Variants in SUMF1 observed in about 807,000 individuals in gnomAD.
SUMF1 encodes the protein sulfatase modifying factor 1, also known as formylglycine-generating enzyme.
In SUMF1, 48 loss-of-function variants were observed where a neutral mutation model predicts 47.6. The observed-to-expected ratio is 1.01, with a 90% CI of 0.80 to 1.28. The LOEUF is 1.28. SUMF1 is among the 50% of genes most tolerant of loss of function. The pLI is 0.00. For synonymous variants in SUMF1, 230 were observed against 192.1 expected (o/e 1.20, Z -1.63); for missense variants, 571 against 485.4 (o/e 1.18, Z -1.66).
chr3:4,434,988 C>T (rs138962612), intron 3 of SUMF1, among the ~76,000 whole-genome samples: 2,544 of 152,234 alleles, frequency 0.017, 66 homozygotes, highest in African/African-American at 0.059. Flanking sequence ...AGTGCAGTGG[C>T]GTGATCTCAG....
intron 8 of SUMF1, among the ~76,000 whole-genome samples, chr3:4,236,594 TA>T (rs1696415065): frequency 6.6e-6 from 1 of 151,772 alleles, no homozygotes; most frequent in African/African-American, 2.4e-5. Context: ...CATCTCTAAA[TA>T]AATAAATAAA....
intron 8 of SUMF1, among the ~76,000 whole-genome samples, chr3:4,250,979 A>T (rs1267566777): frequency 1.3e-5 from 2 of 152,182 alleles, no homozygotes; most frequent in Non-Finnish European, 2.9e-5. Flanking sequence ...TCAAGGAGTA[A>T]TCTTGACTTT....
In SUMF1 at chr3:4,387,103, G is replaced by C. The variant is rs1234185882; in HGVS notation, c.955-10714C>G. On this transcript the variant is annotated intron_variant, in intron 7 of 8. Transcript: ENST00000272902. ...TGGTTTGGGGATCAAGGCAATACTA[G>C]CTTCGTAAAATGATTAGAAAGTGTT... 2.0e-5 allele frequency among the ~76,000 whole-genome samples: 3 copies of C among 151,962 alleles called. No homozygotes were observed. In the East Asian group the frequency reaches 5.8e-4, roughly 29 times the overall value.
downstream of SUMF1, among the ~76,000 whole-genome samples, chr3:4,360,770 T>C (rs560125291): frequency 2.0e-5 from 3 of 152,342 alleles, no homozygotes; most frequent in Admixed American, 6.5e-5. Flanking sequence ...AGAAATGGCT[T>C]AGGGGTTCTC....
intron 8 of SUMF1, among the ~76,000 whole-genome samples, chr3:4,249,080 T>A (rs1396659569): frequency 6.6e-6 from 1 of 152,066 alleles, no homozygotes; most frequent in Non-Finnish European, 1.5e-5. Flanking sequence ...GCACATGGGG[T>A]CACCTGCTCC....
intron 8 of SUMF1, among the ~76,000 whole-genome samples, chr3:4,110,075 G>T (rs1040467312): frequency 6.6e-6 from 1 of 152,088 alleles, no homozygotes; most frequent in Non-Finnish European, 1.5e-5. Context: ...TTTGGTCTTT[G>T]ATGATGGTGA....
intron 8 of SUMF1, among the ~76,000 whole-genome samples, chr3:4,232,899 T>C (rs1052132442): frequency 3.9e-5 from 6 of 152,168 alleles, no homozygotes; most frequent in African/African-American, 1.4e-4. Context: ...CACAGAGTCA[T>C]TGGGTTACAG....
chr3:4,075,309 T>A (rs1395518782), intron 8 of SUMF1, among the ~76,000 whole-genome samples: 2 of 152,056 alleles, frequency 1.3e-5, no homozygotes, highest in African/African-American at 4.8e-5. Context: ...TGCTAAAAAC[T>A]CTCAATAAAC....
chr3:4,200,209 G>A (rs1466086980), intron 8 of SUMF1, among the ~76,000 whole-genome samples: 1 of 143,100 alleles, frequency 7.0e-6, no homozygotes, highest in Middle Eastern at 3.7e-3. Context: ...TGGCTACTGT[G>A]ATGGTTACTT....
intron 8 of SUMF1, among the ~76,000 whole-genome samples, chr3:4,078,966 T>C (rs1692499679): frequency 6.6e-6 from 1 of 152,110 alleles, no homozygotes; most frequent in African/African-American, 2.4e-5. Context: ...CATCACAGAC[T>C]TGGCAATGTT....
At chr3:4,123,614 C>T (rs903038485) in intron 8 of SUMF1, among the ~76,000 whole-genome samples, 9 of 152,130 alleles carry the variant, frequency 5.9e-5, no homozygotes, top group African/African-American at 1.9e-4. Context: ...TTTCAAACTT[C>T]CTTGAAAAGC....
intron 8 of SUMF1, among the ~76,000 whole-genome samples, chr3:4,232,675 A>G (rs1321757832): frequency 6.6e-6 from 1 of 152,174 alleles, no homozygotes. Context: ...ATCATTTAAT[A>G]AATTATTCAA....
At chr3:4,423,818 CTG>C (rs1357826997) in intron 3 of SUMF1, among the ~76,000 whole-genome samples, 1 of 152,122 alleles carries the variant, frequency 6.6e-6, no homozygotes, top group African/African-American at 2.4e-5. Flanking sequence ...TGAGCTCTCA[CTG>C]TGTCACAGGA....
intron 9 of SUMF1, among the ~76,000 whole-genome samples, chr3:4,063,050 T>G (rs1695300568): frequency 6.6e-6 from 1 of 152,160 alleles, no homozygotes; most frequent in Admixed American, 6.6e-5. Context: ...TTTTCAATGC[T>G]TTATTTAAAA....
At position 4,316,383 on chromosome 3, in the gene SUMF1, G is replaced by A. The variant is rs377215964; in HGVS notation, c.1014+59947C>T. On this transcript the variant is annotated intron_variant and NMD_transcript_variant, in intron 8 of 12. Transcript: ENST00000448413. ...GTTCAAGAAGTTTTGCAAAGGAGAT[G>A]AGAGCCTTGAAGATGAGGAGCGTAG... is the stretch of plus-strand genomic sequence containing the variant. 10 of 1,557,862 alleles carry A rather than the reference G, an allele frequency of 6.4e-6. No homozygotes were observed. The African/African-American group carries it at 1.2e-4, about 19-fold the overall frequency.
At chr3:4,086,118 T>TAAAC (rs987032526) in intron 8 of SUMF1, among the ~76,000 whole-genome samples, 2 of 151,060 alleles carry the variant, frequency 1.3e-5, no homozygotes, top group African/African-American at 4.9e-5. Flanking sequence ...CAAGGGCCAT[T>TAAAC]AAACAACCTG....
At chr3:4,042,920 C>A (rs1694936837) in intron 9 of SUMF1, among the ~76,000 whole-genome samples, 1 of 152,164 alleles carries the variant, frequency 6.6e-6, no homozygotes, top group Non-Finnish European at 1.5e-5. Context: ...CCTAGACCCT[C>A]CACCAGTGCT....
At chr3:4,338,467 C>G (rs866264355) in intron 8 of SUMF1, among the ~76,000 whole-genome samples, 1 of 152,132 alleles carries the variant, frequency 6.6e-6, no homozygotes, top group African/African-American at 2.4e-5. Context: ...GTTGAACCAC[C>G]TTGACACCAA....
chr3:4,412,206 A>G (rs924256039), intron 6 of SUMF1, among the ~76,000 whole-genome samples: 1 of 152,250 alleles, frequency 6.6e-6, no homozygotes, highest in Non-Finnish European at 1.5e-5. Flanking sequence ...GAGGGCTTCA[A>G]TAACAAATAA....
Sources: allele counts gnomAD v4.1 joint callset (sites outside exome capture counted in the v4.1 genomes callset), GRCh38; gene constraint gnomAD v4.1.1; transcripts MANE v1.5; gene names NCBI Gene and HGNC (gene_info 2026-07-23, HGNC 2026-07-21).